The following PYGO1 variants were observed in gnomAD, a reference collection of about 807,000 sequenced individuals.
PYGO1 encodes the protein pygopus homolog 1.
Under a neutral mutation model 29.5 loss-of-function variants are expected in PYGO1, and 6 were observed. That is an observed-to-expected ratio of 0.20 (90% CI 0.11 to 0.40). PYGO1 has a LOEUF of 0.40. Among genes scored for constraint, PYGO1 ranks in the 10% least tolerant of loss-of-function variants. The probability of loss-of-function intolerance (pLI) is 1.00; values close to 1 mark genes in which losing one functional copy is unlikely to be tolerated. For missense variants in PYGO1, 515 were observed against 514.9 expected, an observed-to-expected ratio of 1.00 and a Z score of 0.00; for synonymous variants, 186 against 180.5, an observed-to-expected ratio of 1.03 and a Z score of -0.24.
At chr15:55,584,267 G>A (rs1424635389) in intron 1 of PYGO1, among the ~76,000 whole-genome samples, 1 of 151,920 alleles carries the variant, frequency 6.6e-6, no homozygotes, top group African/African-American at 2.4e-5. Context: ...ACAGGCACAT[G>A]CCACCACGCC....
In PYGO1 at chr15:55,588,084, G is replaced by A. The variant is rs974911311; in HGVS notation, c.-201C>T. On this transcript the variant is annotated 5_prime_UTR_variant, in exon 1 of 3. Coordinates refer to ENST00000563719, the MANE Select transcript of PYGO1 (RefSeq NM_001367806.1). The stretch of plus-strand genomic sequence containing the variant: ...CGAGGCCTCGGGGCGGCGGGGCGGC[G>A]GGGCGGCGTGCGGGCACCGGCGGGG... 3.8e-5 allele frequency: 40 copies of A among 1,046,032 alleles called. No homozygotes were observed. Among genetic ancestry groups the A allele is most frequent in the Non-Finnish European group, 4.5e-5 (39 of 869,694 alleles). 64.8% of individuals were successfully genotyped at this position (1,046,032 alleles called of 1,614,324 possible).
At chr15:55,586,841 C>G (rs144970377) in intron 1 of PYGO1, among the ~76,000 whole-genome samples, 6 of 152,324 alleles carry the variant, frequency 3.9e-5, no homozygotes, top group Admixed American at 2.6e-4. Context: ...CATATTTCCT[C>G]TCCTCTATTC....
At chr15:55,576,435 G>A (rs1423098635) in intron 1 of PYGO1, among the ~76,000 whole-genome samples, 4 of 85,900 alleles carry the variant, frequency 4.7e-5, no homozygotes, top group East Asian at 3.6e-4. Flanking sequence ...CAGCCTGGGC[G>A]ACAGAGCGAG....
intron 1 of PYGO1, among the ~76,000 whole-genome samples, chr15:55,587,538 G>A (rs1012379634): frequency 9.9e-5 from 15 of 151,892 alleles, no homozygotes; most frequent in South Asian, 2.1e-4. Flanking sequence ...TGCCTATTGT[G>A]CTGTCTTGAG....
chr15:55,574,687 A>G (rs981955319), intron 1 of PYGO1, among the ~76,000 whole-genome samples: 3 of 152,002 alleles, frequency 2.0e-5, no homozygotes, highest in East Asian at 3.9e-4. Flanking sequence ...ATACGTAAAC[A>G]TATCTTCAAA....
In PYGO1 at chr15:55,545,874, T is replaced by C. The variant is rs2141642353; in HGVS notation, c.*149A>G. On this transcript the variant is annotated 3_prime_UTR_variant, in exon 3 of 3. Coordinates refer to ENST00000563719, the MANE Select transcript of PYGO1 (RefSeq NM_001367806.1). Reference sequence around the variant, plus strand: ...ACAGCAAGCAAAGACAATAAAAAATTTGCTCTAGTGATGAAGTGATTAATA... The same window carrying C: ...ACAGCAAGCAAAGACAATAAAAAATCTGCTCTAGTGATGAAGTGATTAATA... 1.3e-6 allele frequency: 1 copy of C among 797,778 alleles called. No homozygotes were observed. The highest frequency in any genetic ancestry group is 1.9e-6 in the Non-Finnish European group (1 of 532,736). The allele number at this position is 797,778 out of a possible 1,614,324, so 49.4% of individuals were successfully genotyped here. A position where few individuals can be genotyped will look rare whatever the true frequency, so the allele number is the denominator to read the frequency against.
chr15:55,560,986 C>T (rs192502313), intron 1 of PYGO1, among the ~76,000 whole-genome samples: 2 of 151,984 alleles, frequency 1.3e-5, no homozygotes, highest in Admixed American at 1.3e-4. Flanking sequence ...AACCCCACTA[C>T]TTTAAAGTTC....
At chr15:55,553,431 C>T (rs2058889002) in intron 1 of PYGO1, among the ~76,000 whole-genome samples, 1 of 150,760 alleles carries the variant, frequency 6.6e-6, no homozygotes, top group African/African-American at 2.4e-5. Flanking sequence ...GAGTTTCGCT[C>T]TGTTGCCAGG....
intron 1 of PYGO1, among the ~76,000 whole-genome samples, chr15:55,575,495 T>G (rs569571365): frequency 1.5e-5 from 2 of 135,252 alleles, no homozygotes; most frequent in East Asian, 2.5e-4. Flanking sequence ...TGCATACAAA[T>G]ACAAAGAAAA....
chr15:55,568,320 CTGTGTG>C lies in PYGO1; in HGVS notation c.50-19331_50-19326del, dbSNP rs58177433. Among the ~76,000 whole-genome samples the C allele has an allele frequency of 1.4e-3, 182 of 125,908 alleles. 1 individual carries two copies. The highest frequency in any genetic ancestry group is 8.1e-3 in the East Asian group (34 of 4,196). 82.6% of individuals were successfully genotyped at this position (125,908 alleles called of 152,430 possible). A position where few individuals can be genotyped will look rare whatever the true frequency, so the allele number is the denominator to read the frequency against. ...ATGGTTAAGACGTATTTCCTAGGTA[CTGTGTG>C]TGTGTGTGTGTGTGTGTGTGTGTGT... On this transcript the variant is annotated intron_variant, in intron 1 of 2. Transcript: ENST00000563719.
intron 1 of PYGO1, among the ~76,000 whole-genome samples, chr15:55,568,606 C>T (rs1296937357): frequency 6.6e-6 from 1 of 151,916 alleles, no homozygotes; most frequent in African/African-American, 2.4e-5. Flanking sequence ...TGCCTGAGTG[C>T]TCTAACACTT....
intron 1 of PYGO1, among the ~76,000 whole-genome samples, chr15:55,565,479 A>G (rs1345383167): frequency 6.6e-6 from 1 of 151,992 alleles, no homozygotes; most frequent in African/African-American, 2.4e-5. Context: ...AGAGGCGGGC[A>G]GACTACCTGA....
intron 1 of PYGO1, among the ~76,000 whole-genome samples, chr15:55,574,659 TGTG>T (rs1294383043): frequency 3.3e-5 from 5 of 149,698 alleles, no homozygotes; most frequent in African/African-American, 1.3e-4. Flanking sequence ...TGTGTGTGTG[TGTG>T]TGTGTGTGTG....
chr15:55,566,240 A>T, intron 1 of PYGO1, among the ~76,000 whole-genome samples: 1 of 152,192 alleles, frequency 6.6e-6, no homozygotes, highest in East Asian at 1.9e-4. Flanking sequence ...GCCCCTCAGT[A>T]GTCCCCAGGG....
rs1166918014 is a variant in PYGO1, at chr15:55,539,416, T to C, written c.*6607A>G. On this transcript the variant is annotated 3_prime_UTR_variant, in exon 3 of 3. Coordinates refer to ENST00000563719, the MANE Select transcript of PYGO1 (RefSeq NM_001367806.1). ...CAAGCCAATTTCATTTGTCTGAGAA[T>C]TGTAACCTGGTCATTAACCAAAAAA... is the stretch of plus-strand genomic sequence containing the variant. 1 of 151,876 alleles carries C rather than the reference T, an allele frequency of 6.6e-6. No individual in the cohort carries two copies. Among genetic ancestry groups the C allele is most frequent in the Non-Finnish European group, 1.5e-5 (1 of 67,902 alleles). 9.4% of individuals were successfully genotyped at this position (151,876 alleles called of 1,614,324 possible). A position where few individuals can be genotyped will look rare whatever the true frequency, so the allele number is the denominator to read the frequency against.
chr15:55,560,889 G>A (rs2058929983), intron 1 of PYGO1, among the ~76,000 whole-genome samples: 1 of 152,130 alleles, frequency 6.6e-6, no homozygotes, highest in Non-Finnish European at 1.5e-5. Flanking sequence ...TTGAACCTGT[G>A]TTGCAGTGAG....
chr15:55,547,157 GA>G lies in PYGO1; in HGVS notation c.136-11del, dbSNP rs1244290373. On this transcript the variant is annotated splice_polypyrimidine_tract_variant and intron_variant, in intron 2 of 2. Coordinates refer to ENST00000563719, the MANE Select transcript of PYGO1 (RefSeq NM_001367806.1). ...GAGGGAAAGAAGGTCCCTGAAATGA[GA>G]ATGTAAAGTAAAATACATGTTTTCG... is the stretch of plus-strand genomic sequence containing the variant. The G allele has an allele frequency of 6.4e-7, 1 of 1,568,974 alleles. No homozygotes were observed. Among genetic ancestry groups the G allele is most frequent in the Non-Finnish European group, 8.6e-7 (1 of 1,159,294 alleles).
At position 55,547,135 on chromosome 15, in the gene PYGO1, G is replaced by A; in HGVS notation, c.148C>T (p.Pro50Ser). 2 of 1,590,726 alleles carry A rather than the reference G, an allele frequency of 1.3e-6. No individual in the cohort carries two copies. Among genetic ancestry groups the A allele is most frequent in the Admixed American group, 1.7e-5 (1 of 58,018 alleles). Reference protein sequence around the residue: ...RKANTQGPSFPPLSEYAPPPN... With the variant: ...RKANTQGPSFSPLSEYAPPPN... ...GGTGGAGCATACTCAGACAATGGAGGGAAAGAAGGTCCCTGAAATGAGAAT... is the reference window on the plus strand; with the variant it reads ...GGTGGAGCATACTCAGACAATGGAGAGAAAGAAGGTCCCTGAAATGAGAAT... The change falls in exon 3 of 3, where the codon CCT (proline) becomes TCT (serine). Residue 50 changes from proline (P) to serine (S), a missense_variant. Pro to Ser is a moderately conservative substitution (Grantham distance 74). Coordinates refer to ENST00000563719, the MANE Select transcript of PYGO1 (RefSeq NM_001367806.1).
At chr15:55,547,332 T>C (rs1033214103) in intron 2 of PYGO1, among the ~76,000 whole-genome samples, 185 bp from the exon 3 acceptor site, 1 of 152,238 alleles carries the variant, frequency 6.6e-6, no homozygotes, top group Non-Finnish European at 1.5e-5. Flanking sequence ...TACTTGCTGA[T>C]AAAAATATTT....
Sources: allele counts gnomAD v4.1 joint callset (sites outside exome capture counted in the v4.1 genomes callset), GRCh38; gene constraint gnomAD v4.1.1; transcripts MANE v1.5; gene names NCBI Gene and HGNC (gene_info 2026-07-23, HGNC 2026-07-21).